The following ZCCHC7 variants were observed in gnomAD, a reference collection of about 807,000 sequenced individuals.
ZCCHC7 encodes zinc finger CCHC-type containing 7, also known as zinc finger CCHC domain-containing protein 7.
In ZCCHC7, 35 loss-of-function variants were observed where a neutral mutation model predicts 52.0. That is an observed-to-expected ratio of 0.67 (90% CI 0.51 to 0.89). The LOEUF (loss-of-function observed/expected upper bound fraction) is 0.89, where lower values mean the gene tolerates loss of function less well. Ranked by LOEUF, ZCCHC7 falls within the 40% of genes least tolerant of loss-of-function variation. The probability of loss-of-function intolerance (pLI) is 0.00; values close to 1 mark genes in which losing one functional copy is unlikely to be tolerated. For synonymous variants in ZCCHC7, 217 were observed against 221.5 expected (o/e 0.98, Z 0.18); for missense variants, 574 against 649.1 (o/e 0.88, Z 1.26).
intron 6 of ZCCHC7, among the ~76,000 whole-genome samples, chr9:37,348,217 C>T (rs1821122323): frequency 6.6e-6 from 1 of 152,174 alleles, no homozygotes; most frequent in African/African-American, 2.4e-5. Context: ...TGCCTCTAAA[C>T]TTGCTCCTCT....
intron 5 of ZCCHC7, among the ~76,000 whole-genome samples, chr9:37,322,653 C>A (rs1588670136): frequency 6.7e-6 from 1 of 148,964 alleles, no homozygotes; most frequent in South Asian, 2.2e-4. Context: ...AAAATAGGTA[C>A]ATTGCACATA....
At chr9:37,162,307 A>G (rs1339543079) in intron 2 of ZCCHC7, among the ~76,000 whole-genome samples, 4 of 152,308 alleles carry the variant, frequency 2.6e-5, no homozygotes, top group Admixed American at 6.5e-5. Context: ...ATATATACAC[A>G]GGAAGCCATC....
At position 37,155,775 on chromosome 9, in the gene ZCCHC7, A is replaced by G. The variant is rs191401733; in HGVS notation, c.610+28833A>G. On this transcript the variant is annotated intron_variant, in intron 2 of 8. Transcript: ENST00000336755. ...AGCCTTTGTTCTCTTTAAGTAGTAC[A>G]GATATCTTAGCAGCCGGTAATGGTT... Among the ~76,000 whole-genome samples the G allele has an allele frequency of 3.9e-5, 6 of 152,384 alleles. No individual in the cohort carries two copies. In the East Asian group the frequency reaches 1.2e-3, roughly 29 times the overall value.
chr9:37,233,102 A>G (rs1825483814), intron 2 of ZCCHC7, among the ~76,000 whole-genome samples: 1 of 152,232 alleles, frequency 6.6e-6, no homozygotes, highest in Non-Finnish European at 1.5e-5. Context: ...TTATTTTCAA[A>G]GTACAGATGC....
At chr9:37,180,384 G>A (rs897759650) in intron 2 of ZCCHC7, among the ~76,000 whole-genome samples, 1 of 151,818 alleles carries the variant, frequency 6.6e-6, no homozygotes, top group Non-Finnish European at 1.5e-5. Flanking sequence ...AGTAAAACTG[G>A]GTTAAAAAAA....
At chr9:37,155,341 G>A (rs867856358) in intron 2 of ZCCHC7, among the ~76,000 whole-genome samples, 15 of 151,740 alleles carry the variant, frequency 9.9e-5, no homozygotes, top group African/African-American at 3.6e-4. Context: ...TGGTGACAGA[G>A]CGAGACTCCG....
At chr9:37,135,504 T>A (rs1332577429) in intron 2 of ZCCHC7, among the ~76,000 whole-genome samples, 1 of 152,242 alleles carries the variant, frequency 6.6e-6, no homozygotes, top group African/African-American at 2.4e-5. Context: ...GTTCCTGGTT[T>A]ATGACTGTTA....
intron 2 of ZCCHC7, among the ~76,000 whole-genome samples, chr9:37,237,173 A>G (rs1239817105): frequency 6.6e-6 from 1 of 152,234 alleles, no homozygotes; most frequent in African/African-American, 2.4e-5. Context: ...GGAAGGCCCA[A>G]GATACCCTTT....
intron 1 of ZCCHC7, among the ~76,000 whole-genome samples, chr9:37,122,249 A>G (rs1261696103): frequency 6.6e-6 from 1 of 152,264 alleles, no homozygotes; most frequent in Non-Finnish European, 1.5e-5. Context: ...ATAAGCCTTA[A>G]GTTGTCTAGT....
intron 4 of ZCCHC7, among the ~76,000 whole-genome samples, 174 bp from the exon 5 acceptor site, chr9:37,305,370 A>G (rs920878193): frequency 2.0e-5 from 3 of 152,216 alleles, no homozygotes; most frequent in Admixed American, 6.5e-5. Flanking sequence ...TTGGCAAACA[A>G]TATACATACA....
At chr9:37,163,148 C>G (rs1281324899) in intron 2 of ZCCHC7, among the ~76,000 whole-genome samples, 1 of 152,006 alleles carries the variant, frequency 6.6e-6, no homozygotes, top group Non-Finnish European at 1.5e-5. Flanking sequence ...TTGCTGTGAG[C>G]CGAGATCGCA....
chr9:37,319,078 T>C (rs1829948925), intron 5 of ZCCHC7, among the ~76,000 whole-genome samples: 1 of 152,244 alleles, frequency 6.6e-6, no homozygotes. Flanking sequence ...GTCATTCTAA[T>C]AGATGTATAC....
At chr9:37,185,465 G>A (rs1466404406) in intron 2 of ZCCHC7, among the ~76,000 whole-genome samples, 1 of 152,208 alleles carries the variant, frequency 6.6e-6, no homozygotes, top group Non-Finnish European at 1.5e-5. Flanking sequence ...ATTAGTTTCT[G>A]AGGGCTGCTG....
intron 6 of ZCCHC7, among the ~76,000 whole-genome samples, chr9:37,336,232 G>A (rs1588688542): frequency 2.0e-5 from 3 of 152,232 alleles, no homozygotes; most frequent in East Asian, 1.9e-4. Flanking sequence ...CAGACTTCCA[G>A]CTGTATTCTC....
chr9:37,235,300 T>A (rs1326953752), intron 2 of ZCCHC7, among the ~76,000 whole-genome samples: 1 of 152,204 alleles, frequency 6.6e-6, no homozygotes. Flanking sequence ...TTCTACCCTG[T>A]ACATCTGTGA....
At chr9:37,289,831 G>A (rs1192966908) in intron 2 of ZCCHC7, among the ~76,000 whole-genome samples, 1 of 152,018 alleles carries the variant, frequency 6.6e-6, no homozygotes. Flanking sequence ...GCCTGTCTCC[G>A]GTTCCTTAAA....
At chr9:37,164,441 TTAGATAGATAGATAGATAGATAGA>T (rs58626855) in intron 2 of ZCCHC7, among the ~76,000 whole-genome samples, 99 of 139,528 alleles carry the variant, frequency 7.1e-4, no homozygotes, top group African/African-American at 1.8e-3. Flanking sequence ...TGAGACTGTC[TTAGATAGATAGATAGATAGATAGA>T]TAGATAGATA....
At chr9:37,289,609 C>G (rs1380909921) in intron 2 of ZCCHC7, among the ~76,000 whole-genome samples, 1 of 152,152 alleles carries the variant, frequency 6.6e-6, no homozygotes, top group Non-Finnish European at 1.5e-5. Context: ...AACTGATCTC[C>G]TTGCTTCTAT....
chr9:37,138,043 G>A (rs1313010895), intron 2 of ZCCHC7, among the ~76,000 whole-genome samples: 3 of 152,128 alleles, frequency 2.0e-5, no homozygotes, highest in Non-Finnish European at 4.4e-5. Flanking sequence ...CCTCTCTGAT[G>A]TTTTCAGCTT....
Sources: allele counts gnomAD v4.1 joint callset (sites outside exome capture counted in the v4.1 genomes callset), GRCh38; gene constraint gnomAD v4.1.1; transcripts MANE v1.5; gene names NCBI Gene and HGNC (gene_info 2026-07-23, HGNC 2026-07-21).